Variants in ATF1 observed in about 807,000 individuals in gnomAD.
The protein encoded by ATF1 is cyclic AMP-dependent transcription factor ATF-1.
A neutral mutation model predicts 34.7 loss-of-function variants in ATF1; 16 were observed. The observed-to-expected ratio is 0.46, with a 90% CI of 0.31 to 0.70. The LOEUF is 0.70. Ranked by LOEUF, ATF1 falls within the 30% of genes least tolerant of loss-of-function variation. ATF1 has a pLI of 0.05. For missense variants in ATF1, 255 were observed against 321.6 expected (o/e 0.79, Z 1.58); for synonymous variants, 105 against 113.1 (o/e 0.93, Z 0.46).
chr12:50,776,008 T>C (rs1376439192), intron 1 of ATF1, among the ~76,000 whole-genome samples: 2 of 152,048 alleles, frequency 1.3e-5, no homozygotes, highest in Non-Finnish European at 2.9e-5. Context: ...AAACCTCGTC[T>C]CGACAAAAAA....
intron 2 of ATF1, among the ~76,000 whole-genome samples, chr12:50,782,540 C>T (rs1350458633): frequency 1.3e-5 from 2 of 150,626 alleles, no homozygotes; most frequent in African/African-American, 4.9e-5. Flanking sequence ...CAGGCCTGAG[C>T]CACCACACCC....
intron 4 of ATF1, among the ~76,000 whole-genome samples, chr12:50,811,294 A>G (rs193170179): frequency 6.6e-6 from 1 of 152,200 alleles, no homozygotes; most frequent in East Asian, 1.9e-4. Flanking sequence ...ATATTAGTTT[A>G]ATTATAGATT....
At chr12:50,793,455 C>T (rs1423802091) in intron 2 of ATF1, among the ~76,000 whole-genome samples, 1 of 151,960 alleles carries the variant, frequency 6.6e-6, no homozygotes, top group Non-Finnish European at 1.5e-5. Context: ...GAAACCCCAT[C>T]TCTACTAAAA....
intron 2 of ATF1, among the ~76,000 whole-genome samples, chr12:50,782,241 TTGTTTG>T (rs749567993): frequency 1.3e-5 from 2 of 151,128 alleles, no homozygotes; most frequent in Non-Finnish European, 3.0e-5. Context: ...TCTGTTTTTT[TTGTTTG>T]TTTGTTTATT....
intron 3 of ATF1, 74 bp from the exon 4 acceptor site, chr12:50,809,382 A>G: frequency 7.9e-7 from 1 of 1,269,738 alleles, no homozygotes; most frequent in East Asian, 2.6e-5. Context: ...TCAAAAAAAA[A>G]AAAAAAAAAA....
chr12:50,799,433 C>T (rs144089990), intron 3 of ATF1, among the ~76,000 whole-genome samples: 101 of 152,184 alleles, frequency 6.6e-4, no homozygotes, highest in Admixed American at 2.2e-3. Context: ...TTTTATTAAA[C>T]AAGACCCAGA....
At chr12:50,810,150 A>T (rs761171919) in intron 4 of ATF1, among the ~76,000 whole-genome samples, 1 of 150,234 alleles carries the variant, frequency 6.7e-6, no homozygotes, top group Non-Finnish European at 1.5e-5. Context: ...GTTCATTCTT[A>T]TATCTATGTA....
At chr12:50,781,482 G>C (rs570365729) in intron 2 of ATF1, among the ~76,000 whole-genome samples, 8 of 151,994 alleles carry the variant, frequency 5.3e-5, no homozygotes, top group African/African-American at 1.9e-4. Context: ...GCAGGGTTTC[G>C]CTCTGTCGCT....
intron 3 of ATF1, among the ~76,000 whole-genome samples, chr12:50,800,935 A>G (rs1462534397): frequency 6.6e-6 from 1 of 152,100 alleles, no homozygotes; most frequent in Non-Finnish European, 1.5e-5. Flanking sequence ...CCCCGTCTCT[A>G]TTACAAAGAT....
At chr12:50,764,873 C>T (rs1192847460) in intron 1 of ATF1, among the ~76,000 whole-genome samples, 1 of 152,238 alleles carries the variant, frequency 6.6e-6, no homozygotes, top group South Asian at 2.1e-4. Flanking sequence ...AGAGATGCGC[C>T]TGGCAGCGGA....
intron 2 of ATF1, among the ~76,000 whole-genome samples, chr12:50,782,687 C>CT (rs71086480): frequency 0.19 from 19,763 of 102,438 alleles, 3,568 homozygotes; most frequent in Non-Finnish European, 0.31. Flanking sequence ...TGTGGCCAGC[C>CT]TTTTTTTTTT....
At chr12:50,817,992 A>ATT (rs11426539) in intron 6 of ATF1, among the ~76,000 whole-genome samples, 1 of 151,732 alleles carries the variant, frequency 6.6e-6, no homozygotes, top group African/African-American at 2.4e-5. Flanking sequence ...ACATTCTGGC[A>ATT]TTTTTTCCCT....
chr12:50,788,810 C>T (rs533752121), intron 2 of ATF1, among the ~76,000 whole-genome samples: 2 of 152,294 alleles, frequency 1.3e-5, no homozygotes, highest in South Asian at 2.1e-4. Flanking sequence ...CTTGCATCAG[C>T]TCTCATAGTA....
In ATF1 at chr12:50,813,977, C is replaced by T. The variant is rs774672561; in HGVS notation, c.329-33C>T. ...CCTTTGAATTAGTGTATTATATAAC[C>T]TTACAATAGCTATTTTCTCTTTTTG... is the stretch of plus-strand genomic sequence containing the variant. On this transcript the variant is annotated intron_variant, in intron 4 of 6. Coordinates refer to ENST00000262053, the MANE Select transcript of ATF1 (RefSeq NM_005171.5). The T allele has an allele frequency of 3.1e-6, 5 of 1,588,780 alleles. No individual in the cohort carries two copies. The Admixed American group carries it at 5.2e-5, about 17-fold the overall frequency.
chr12:50,815,923 A>C (rs767657969), intron 6 of ATF1, among the ~76,000 whole-genome samples: 1 of 152,218 alleles, frequency 6.6e-6, no homozygotes, highest in Non-Finnish European at 1.5e-5. Flanking sequence ...ATTTGCAGCA[A>C]CATGGATGGA....
intron 1 of ATF1, among the ~76,000 whole-genome samples, chr12:50,774,752 G>GTTTTTGT (rs754559398): frequency 7.1e-6 from 1 of 141,170 alleles, no homozygotes; most frequent in Admixed American, 7.1e-5. Context: ...TTTTGTTTTT[G>GTTTTTGT]TTTTTTTTTT....
intron 1 of ATF1, among the ~76,000 whole-genome samples, chr12:50,771,341 T>A (rs1042372656): frequency 1.3e-5 from 2 of 152,178 alleles, no homozygotes; most frequent in African/African-American, 2.4e-5. Flanking sequence ...ATTGCTGTTA[T>A]ACTTTTTGTG....
rs1340287973 is a variant in ATF1, at chr12:50,801,082, G to A, written c.194+5073G>A. Among the ~76,000 whole-genome samples, 6 of 152,308 alleles carry A rather than the reference G, an allele frequency of 3.9e-5. No individual in the cohort carries two copies. In the East Asian group the frequency reaches 7.7e-4, roughly 20 times the overall value. On this transcript the variant is annotated intron_variant, in intron 3 of 6. Transcript: ENST00000262053. ...TGCACTCCAGCCTGGGCGACAGAGC[G>A]AGACTCTGTTTCAATCAATCCATCA...
At chr12:50,806,061 G>C (rs575258269) in intron 3 of ATF1, among the ~76,000 whole-genome samples, 1 of 151,256 alleles carries the variant, frequency 6.6e-6, no homozygotes, top group African/African-American at 2.4e-5. Flanking sequence ...TGAGGCAGGA[G>C]AATTGCTCGA....
Sources: allele counts gnomAD v4.1 joint callset (sites outside exome capture counted in the v4.1 genomes callset), GRCh38; gene constraint gnomAD v4.1.1; transcripts MANE v1.5; gene names NCBI Gene and HGNC (gene_info 2026-07-23, HGNC 2026-07-21).